The following KCNH1 variants were observed in gnomAD, a reference collection of about 807,000 sequenced individuals.
The protein encoded by KCNH1 is voltage-gated delayed rectifier potassium channel KCNH1.
A neutral mutation model predicts 69.2 loss-of-function variants in KCNH1; 27 were observed. The observed-to-expected ratio is 0.39, with a 90% CI of 0.29 to 0.54. The LOEUF is 0.54. Ranked by LOEUF, KCNH1 falls within the 20% of genes least tolerant of loss-of-function variation. The pLI, the probability that KCNH1 is intolerant of heterozygous loss-of-function variation, is 0.68. For synonymous variants in KCNH1, 456 were observed against 487.7 expected, an observed-to-expected ratio of 0.93 and a Z score of 0.86; for missense variants, 798 against 1,261.6, an observed-to-expected ratio of 0.63 and a Z score of 5.57.
At chr1:211,033,098 G>A (rs938555935) in intron 5 of KCNH1, among the ~76,000 whole-genome samples, 5 of 152,164 alleles carry the variant, frequency 3.3e-5, no homozygotes, top group African/African-American at 9.7e-5. Flanking sequence ...AAAAGTGGAT[G>A]AAGGATATGA....
At position 211,023,157 on chromosome 1, in the gene KCNH1, A is replaced by T. The variant is rs551983212; in HGVS notation, c.559-3901T>A. Among the ~76,000 whole-genome samples, 16 of 97,760 alleles carry T rather than the reference A, an allele frequency of 1.6e-4. 1 individual carries two copies. Among genetic ancestry groups the T allele is most frequent in the Non-Finnish European group, 2.7e-4 (13 of 47,666 alleles). The allele number at this position is 97,760 out of a possible 152,430, so 64.1% of individuals were successfully genotyped here. On this transcript the variant is annotated intron_variant, in intron 5 of 10. Coordinates refer to ENST00000271751, the MANE Select transcript of KCNH1 (RefSeq NM_172362.3). The stretch of plus-strand genomic sequence containing the variant: ...AAATAAATAAATAAATAAATAAATA[A>T]ATAAATTAAAAATGCTGGTGAGGAT...
chr1:210,824,451 T>C (rs1684996982), intron 7 of KCNH1, among the ~76,000 whole-genome samples: 1 of 152,082 alleles, frequency 6.6e-6, no homozygotes, highest in African/African-American at 2.4e-5. Context: ...GATAACATAG[T>C]TTATGGAAAT....
At chr1:210,788,314 T>C (rs1023851385) in intron 9 of KCNH1, among the ~76,000 whole-genome samples, 85 of 152,220 alleles carry the variant, frequency 5.6e-4, no homozygotes, top group Admixed American at 2.0e-4. Flanking sequence ...GGTTACTCTA[T>C]ATATAGCTAT....
intron 1 of KCNH1, among the ~76,000 whole-genome samples, chr1:211,126,558 C>T (rs887784958): frequency 1.3e-5 from 2 of 151,804 alleles, no homozygotes; most frequent in African/African-American, 4.8e-5. Flanking sequence ...GCCTGTAGTC[C>T]CAGCTACTCG....
At chr1:210,693,864 C>G (rs562328419) in intron 10 of KCNH1, among the ~76,000 whole-genome samples, 3 of 152,262 alleles carry the variant, frequency 2.0e-5, no homozygotes, top group Middle Eastern at 3.4e-3. Flanking sequence ...TAACTCACTC[C>G]TACAGGGCTT....
chr1:210,967,360 A>G (rs1011209796), intron 6 of KCNH1, among the ~76,000 whole-genome samples: 9 of 152,012 alleles, frequency 5.9e-5, no homozygotes, highest in African/African-American at 2.2e-4. Flanking sequence ...AAATAGTAAA[A>G]AGATACCCTC....
chr1:211,114,686 C>G (rs1046299132), intron 1 of KCNH1, among the ~76,000 whole-genome samples: 1 of 152,128 alleles, frequency 6.6e-6, no homozygotes, highest in Non-Finnish European at 1.5e-5. Context: ...GCTAAAGTGA[C>G]GCGACACAGA....
chr1:211,020,459 A>G (rs141731012), intron 5 of KCNH1, among the ~76,000 whole-genome samples: 3 of 150,878 alleles, frequency 2.0e-5, no homozygotes, highest in East Asian at 2.0e-4. Context: ...TAACAGACCA[A>G]TAACAAGAAA....
chr1:210,710,021 T>C (rs918404797), intron 10 of KCNH1, among the ~76,000 whole-genome samples: 4 of 152,228 alleles, frequency 2.6e-5, no homozygotes, highest in Non-Finnish European at 5.9e-5. Context: ...CAAGGCAATT[T>C]TGTCATTGTG....
At chr1:210,693,217 A>G (rs1451537845) in intron 10 of KCNH1, among the ~76,000 whole-genome samples, 1 of 152,186 alleles carries the variant, frequency 6.6e-6, no homozygotes, top group East Asian at 1.9e-4. Context: ...TGGAGTTGCA[A>G]TGAAATAACA....
In KCNH1 at chr1:210,747,519, A is replaced by T. The variant is rs114571644; in HGVS notation, c.2112+27829T>A. Among the ~76,000 whole-genome samples the T allele has an allele frequency of 6.5e-3, 982 of 152,204 alleles. 7 individuals are homozygous for T. The highest frequency in any genetic ancestry group is 0.011 in the Non-Finnish European group (728 of 68,010). ...TGAATTCATGTTTATGTTGGAGAGG[A>T]TGGGGCTGATATATACCACTATATT... is the stretch of plus-strand genomic sequence containing the variant. On this transcript the variant is annotated intron_variant, in intron 10 of 10. Transcript: ENST00000271751.
chr1:210,719,979 C>T (rs12029230), intron 10 of KCNH1, among the ~76,000 whole-genome samples: 10,982 of 152,168 alleles, frequency 0.072, 520 homozygotes, highest in Middle Eastern at 0.13. Context: ...GTGTCCCTCC[C>T]GTCTTTCCTA....
At chr1:211,017,684 C>G (rs1441900156) in intron 6 of KCNH1, among the ~76,000 whole-genome samples, 2 of 152,198 alleles carry the variant, frequency 1.3e-5, no homozygotes, top group Non-Finnish European at 2.9e-5. Flanking sequence ...CTTAATCAGT[C>G]CAGTGGCCCT....
At chr1:210,878,065 A>T (rs986327383) in intron 7 of KCNH1, among the ~76,000 whole-genome samples, 3 of 152,150 alleles carry the variant, frequency 2.0e-5, no homozygotes, top group Non-Finnish European at 4.4e-5. Flanking sequence ...TCATTTAGAT[A>T]TTGTTTTTTA....
intron 5 of KCNH1, among the ~76,000 whole-genome samples, chr1:211,057,687 G>T (rs569628055): frequency 2.0e-5 from 3 of 151,690 alleles, no homozygotes; most frequent in Non-Finnish European, 4.4e-5. Context: ...AGAAGACAGA[G>T]AGAGAGAGAA....
chr1:210,730,405 A>C (rs1297143968), intron 10 of KCNH1, among the ~76,000 whole-genome samples: 2 of 152,156 alleles, frequency 1.3e-5, no homozygotes, highest in Admixed American at 1.3e-4. Flanking sequence ...AGGTTAAACA[A>C]AAAAGGAGTG....
At chr1:210,980,511 C>G (rs1436370218) in intron 6 of KCNH1, among the ~76,000 whole-genome samples, 1 of 152,056 alleles carries the variant, frequency 6.6e-6, no homozygotes, top group African/African-American at 2.4e-5. Context: ...AGCCTTTAAA[C>G]TAAGAAACTG....
intron 10 of KCNH1, among the ~76,000 whole-genome samples, chr1:210,755,100 C>G (rs1202280777): frequency 6.6e-6 from 1 of 151,868 alleles, no homozygotes; most frequent in Admixed American, 6.6e-5. Flanking sequence ...TCTGTGACCC[C>G]TGTGCATGCA....
At chr1:210,880,550 T>G (rs1480324129) in intron 7 of KCNH1, among the ~76,000 whole-genome samples, 4 of 152,180 alleles carry the variant, frequency 2.6e-5, no homozygotes, top group Non-Finnish European at 5.9e-5. Context: ...AACATGAATC[T>G]AGACACAGAC....
Sources: allele counts gnomAD v4.1 joint callset (sites outside exome capture counted in the v4.1 genomes callset), GRCh38; gene constraint gnomAD v4.1.1; transcripts MANE v1.5; gene names NCBI Gene and HGNC (gene_info 2026-07-23, HGNC 2026-07-21).